NPAS2: variants seen among roughly 807,000 people sequenced by gnomAD.
NPAS2 encodes neuronal PAS domain protein 2, also known as neuronal PAS domain-containing protein 2.
A neutral mutation model predicts 107.5 loss-of-function variants in NPAS2; 23 were observed. The ratio of observed to expected loss-of-function variants is 0.21; its 90% confidence interval spans 0.15 to 0.30. NPAS2 has a LOEUF of 0.30. NPAS2 is among the 10% of genes least tolerant of loss of function. NPAS2 has a pLI of 1.00. For missense variants in NPAS2, 756 were observed against 1,043.3 expected, an observed-to-expected ratio of 0.72 and a Z score of 3.79; for synonymous variants, 403 against 417.5, an observed-to-expected ratio of 0.97 and a Z score of 0.42.
In NPAS2 at chr2:100,900,110, C is replaced by A. The variant is rs540381583; in HGVS notation, c.-22-4623C>A. 3.3e-5 allele frequency among the ~76,000 whole-genome samples: 5 copies of A among 152,264 alleles called. No homozygotes were observed. The South Asian group carries it at 1.0e-3, about 32-fold the overall frequency. ...AAAAGGTTGATAAATTAGACTTTAT[C>A]AAAATTTAAAACTGCTCATCAGAAG... On this transcript the variant is annotated intron_variant, in intron 1 of 20. Transcript: ENST00000335681.
intron 11 of NPAS2, among the ~76,000 whole-genome samples, chr2:100,970,239 C>G (rs948542290): frequency 6.6e-6 from 1 of 152,232 alleles, no homozygotes; most frequent in Non-Finnish European, 1.5e-5. Context: ...CAGCACTCAC[C>G]CCTCACCCTT....
At chr2:100,834,224 A>C (rs2104383752) in intron 1 of NPAS2, among the ~76,000 whole-genome samples, 1 of 152,302 alleles carries the variant, frequency 6.6e-6, no homozygotes, top group Middle Eastern at 3.4e-3. Flanking sequence ...AGAATCCATA[A>C]GAATGAGGCT....
At chr2:100,954,196 G>A (rs556028978) in intron 7 of NPAS2, among the ~76,000 whole-genome samples, 1 of 152,336 alleles carries the variant, frequency 6.6e-6, no homozygotes, top group African/African-American at 2.4e-5. Flanking sequence ...ACAGGGACCA[G>A]GACATGAGAG....
intron 5 of NPAS2, among the ~76,000 whole-genome samples, chr2:100,944,065 T>G (rs1208518716): frequency 1.3e-5 from 2 of 152,188 alleles, no homozygotes; most frequent in Admixed American, 1.3e-4. Context: ...CTACACTACC[T>G]TCTGAAAGCT....
At chr2:100,953,302 A>T (rs1192074138) in intron 7 of NPAS2, among the ~76,000 whole-genome samples, 1 of 149,826 alleles carries the variant, frequency 6.7e-6, no homozygotes, top group Non-Finnish European at 1.5e-5. Context: ...TGAACCCGGG[A>T]GGCGGAGGTT....
chr2:100,881,567 T>TC (rs2104635561), intron 1 of NPAS2, among the ~76,000 whole-genome samples: 1 of 152,124 alleles, frequency 6.6e-6, no homozygotes, highest in African/African-American at 2.4e-5. Flanking sequence ...GTGCCTGTAA[T>TC]CCCAGCTACT....
At chr2:100,975,281 C>T (rs571680913) in intron 13 of NPAS2, 177 bp from the exon 14 acceptor site, 51 of 643,988 alleles carry the variant, frequency 7.9e-5, no homozygotes, top group Non-Finnish European at 1.3e-4. Flanking sequence ...GTGGTGTCTC[C>T]TACCTGCTCC....
intron 10 of NPAS2, among the ~76,000 whole-genome samples, chr2:100,967,677 T>G (rs1254624586): frequency 6.6e-6 from 1 of 152,190 alleles, no homozygotes; most frequent in Non-Finnish European, 1.5e-5. Context: ...TGCCCAGGCT[T>G]GATACACCAT....
chr2:100,870,668 A>T (rs1679527177), intron 1 of NPAS2, among the ~76,000 whole-genome samples: 3 of 152,238 alleles, frequency 2.0e-5, no homozygotes, highest in Non-Finnish European at 4.4e-5. Context: ...CTGGGATTAC[A>T]GGCGTGAGTC....
chr2:100,831,208 A>G (rs1030121709), intron 1 of NPAS2, among the ~76,000 whole-genome samples: 11 of 152,154 alleles, frequency 7.2e-5, no homozygotes, highest in African/African-American at 2.4e-4. Flanking sequence ...AGGCAGGACA[A>G]TCACTTGAAC....
rs991398712 is a variant in NPAS2, at chr2:100,996,029, A to G, written c.*447A>G. 1.6e-5 allele frequency: 17 copies of G among 1,081,566 alleles called. No individual in the cohort carries two copies. The East Asian group carries it at 9.3e-4, about 59-fold the overall frequency. 67.0% of individuals were successfully genotyped at this position (1,081,566 alleles called of 1,614,324 possible). On this transcript the variant is annotated 3_prime_UTR_variant, in exon 21 of 21. Coordinates refer to ENST00000335681, the MANE Select transcript of NPAS2 (RefSeq NM_002518.4). ...AGAGATCTGTTGGAGAGAGAGAATA[A>G]AGAGATTATTTTTCATTATTTTTAA...
intron 1 of NPAS2, among the ~76,000 whole-genome samples, chr2:100,852,198 C>T (rs576829782): frequency 7.1e-4 from 108 of 152,106 alleles, no homozygotes; most frequent in South Asian, 1.7e-3. Context: ...AGATCAAGAC[C>T]ATCCTGGCTA....
intron 1 of NPAS2, among the ~76,000 whole-genome samples, chr2:100,900,918 G>C (rs1228859784): frequency 1.3e-5 from 2 of 150,648 alleles, no homozygotes; most frequent in Non-Finnish European, 2.9e-5. Context: ...GTGGAGAACA[G>C]TGCCTCACTA....
At chr2:100,943,222 C>G (rs1270550222) in intron 5 of NPAS2, among the ~76,000 whole-genome samples, 1 of 152,230 alleles carries the variant, frequency 6.6e-6, no homozygotes, top group African/African-American at 2.4e-5. Flanking sequence ...TGTCAGACTT[C>G]TTGTTTTTGT....
intron 12 of NPAS2, among the ~76,000 whole-genome samples, chr2:100,973,214 T>C (rs1330344630): frequency 2.0e-5 from 3 of 152,014 alleles, no homozygotes; most frequent in African/African-American, 7.2e-5. Flanking sequence ...TCTTGGGCAC[T>C]GGGTTAAGAA....
At chr2:100,927,140 T>C (rs1026566073) in intron 3 of NPAS2, among the ~76,000 whole-genome samples, 4 of 152,030 alleles carry the variant, frequency 2.6e-5, no homozygotes, top group African/African-American at 4.8e-5. Context: ...TTCACCATGT[T>C]AGCCAGGATA....
Position 100,965,563 on chromosome 2 carries a change from G to A in NPAS2, c.801-97G>A. ...TTCTCCCCTTGTTCTTGAGAAATGA[G>A]GCCTCCATGTTGATCATTATGGAAA... On this transcript the variant is annotated intron_variant, in intron 9 of 20. Transcript: ENST00000335681. This position sits in a 1 kb window ranked among gnomAD's most constrained non-coding sequence, Gnocchi z 4.3. The A allele has an allele frequency of 1.5e-6, 1 of 669,372 alleles. No individual in the cohort carries two copies. The highest frequency in any genetic ancestry group is 1.8e-5 in the African/African-American group (1 of 54,342). The allele number at this position is 669,372 out of a possible 1,614,324, so 41.5% of individuals were successfully genotyped here. A position where few individuals can be genotyped will look rare whatever the true frequency, so the allele number is the denominator to read the frequency against.
intron 18 of NPAS2, 36 bp from the exon 19 acceptor site, chr2:100,990,743 GC>G: frequency 6.3e-7 from 1 of 1,577,480 alleles, no homozygotes; most frequent in Non-Finnish European, 8.7e-7. Flanking sequence ...TGGTTCAGGT[GC>G]TGATCAGTTT....
chr2:100,992,053 C>A (rs1558948350), intron 19 of NPAS2, among the ~76,000 whole-genome samples: 1 of 152,182 alleles, frequency 6.6e-6, no homozygotes, highest in Non-Finnish European at 1.5e-5. Flanking sequence ...TCATGTCTAT[C>A]ATTAGGTGGG....
Sources: allele counts gnomAD v4.1 joint callset (sites outside exome capture counted in the v4.1 genomes callset), GRCh38; gene constraint gnomAD v4.1.1; non-coding constraint Gnocchi (gnomAD v3.1); transcripts MANE v1.5; gene names NCBI Gene and HGNC (gene_info 2026-07-23, HGNC 2026-07-21).